ZCCHC10: variants seen among roughly 807,000 people sequenced by gnomAD.
ZCCHC10 encodes zinc finger CCHC-type containing 10.
ZCCHC10 carries 16 observed loss-of-function variants against 19.5 expected under a neutral mutation model. The ratio of observed to expected loss-of-function variants is 0.82; its 90% CI spans 0.56 to 1.25. The LOEUF is 1.25. Ranked by LOEUF, ZCCHC10 falls within the 50% of genes most tolerant of loss-of-function variation. The pLI is 0.00. For missense variants in ZCCHC10, 197 were observed against 201.0 expected (o/e 0.98, Z 0.12); for synonymous variants, 67 against 72.5 (o/e 0.92, Z 0.38).
Position 133,025,525 on chromosome 5 carries a change from A to AAAAG in ZCCHC10, c.41+971_41+972insCTTT, listed in dbSNP as rs1554085683. Among the ~76,000 whole-genome samples, 1,470 of 124,836 alleles carry AAAAG rather than the reference A, an allele frequency of 0.012. 201 individuals carry two copies. The East Asian group carries it at 0.22, about 19-fold the overall frequency. The allele number at this position is 124,836 out of a possible 152,430, so 81.9% of individuals were successfully genotyped here. A position where few individuals can be genotyped will look rare whatever the true frequency, so the allele number is the denominator to read the frequency against. On this transcript the variant is annotated intron_variant, in intron 1 of 4. Coordinates refer to ENST00000509437, the MANE Select transcript of ZCCHC10 (RefSeq NM_001300816.3). Reference sequence around the variant, plus strand: ...CCTCAAAAAAAAAAAAAAAAAAAAAAAAAAAAAAGAAAGGGGCATCTGGGG... The same window carrying AAAAG: ...CCTCAAAAAAAAAAAAAAAAAAAAAAAAAGAAAAAAAAGAAAGGGGCATCTGGGG...
chr5:133,024,499 G>A (rs1262352279), intron 1 of ZCCHC10, among the ~76,000 whole-genome samples: 1 of 152,194 alleles, frequency 6.6e-6, no homozygotes, highest in East Asian at 1.9e-4. Flanking sequence ...CAAATATGGA[G>A]CCAACAACGA....
intron 2 of ZCCHC10, among the ~76,000 whole-genome samples, chr5:133,014,222 C>T (rs552469135): frequency 1.5e-4 from 21 of 143,178 alleles, no homozygotes; most frequent in East Asian, 4.1e-4. Context: ...TGCAATGGCG[C>T]GATTTCAGCT....
intron 1 of ZCCHC10, among the ~76,000 whole-genome samples, chr5:133,023,535 G>A (rs900865121): frequency 2.7e-5 from 4 of 150,862 alleles, no homozygotes; most frequent in African/African-American, 4.9e-5. Flanking sequence ...AGCACTTTGG[G>A]AGGCTGAAGT....
rs1762568640 is a variant in ZCCHC10, at chr5:132,998,633, T to G, written c.529A>C (p.Thr177Pro). The change falls in exon 5 of 5, where the codon ACA becomes CCA. Residue 177 changes from threonine (T) to proline (P), a missense_variant. Coordinates refer to ENST00000509437, the MANE Select transcript of ZCCHC10 (RefSeq NM_001300816.3). The stretch of plus-strand genomic sequence containing the variant: ...GGTTCATCGTCAGAGCTGCTATCTG[T>G]GCTGGTGCTACTGCTACTGGAAGAG... ...SSSSSSSSTSTDSSSDDEPPK... is the reference protein window; with the variant it reads ...SSSSSSSSTSPDSSSDDEPPK... 1.2e-6 allele frequency: 2 copies of G among 1,614,156 alleles called. No individual in the cohort carries two copies. Among genetic ancestry groups the G allele is most frequent in the African/African-American group, 2.7e-5 (2 of 75,046 alleles).
Position 132,997,007 on chromosome 5 carries a change from G to GT in ZCCHC10, c.*1575dup, listed in dbSNP as rs1480066704. On this transcript the variant is annotated 3_prime_UTR_variant, in exon 5 of 5. Coordinates refer to ENST00000509437, the MANE Select transcript of ZCCHC10 (RefSeq NM_001300816.3). ...AAGTTTAAGCTTGTGAGCACAAATT[G>GT]TGAGTTTTATTTAACTGCAAGTGAT... The GT allele has an allele frequency of 2.6e-5, 4 of 152,198 alleles. No individual in the cohort carries two copies. The highest frequency in any genetic ancestry group is 4.4e-5 in the Non-Finnish European group (3 of 68,036). The allele number at this position is 152,198 out of a possible 1,614,324, so 9.4% of individuals were successfully genotyped here. A position where few individuals can be genotyped will look rare whatever the true frequency, so the allele number is the denominator to read the frequency against.
chr5:133,000,785 G>A (rs1056138251), intron 3 of ZCCHC10, among the ~76,000 whole-genome samples: 2 of 151,622 alleles, frequency 1.3e-5, no homozygotes, highest in African/African-American at 4.8e-5. Context: ...TGGGACTACA[G>A]GTGTGTGTCA....
At chr5:132,999,296 A>G (rs1208989720) in intron 4 of ZCCHC10, among the ~76,000 whole-genome samples, 3 of 152,124 alleles carry the variant, frequency 2.0e-5, no homozygotes, top group Non-Finnish European at 2.9e-5. Context: ...CTTAGGTTTG[A>G]TATTTTGGAG....
At chr5:133,025,945 C>G (rs1352732226) in intron 1 of ZCCHC10, among the ~76,000 whole-genome samples, 2 of 152,152 alleles carry the variant, frequency 1.3e-5, no homozygotes, top group African/African-American at 4.8e-5. Context: ...TACCCAATGT[C>G]TGGCACAGAA....
At chr5:133,009,228 C>A (rs1763335909) in intron 2 of ZCCHC10, among the ~76,000 whole-genome samples, 1 of 151,966 alleles carries the variant, frequency 6.6e-6, no homozygotes, top group Non-Finnish European at 1.5e-5. Flanking sequence ...GTCTCAAACT[C>A]CTGGCCTCAA....
At chr5:133,003,248 G>C (rs978693749) in intron 3 of ZCCHC10, 2 of 436,406 alleles carry the variant, frequency 4.6e-6, no homozygotes, top group African/African-American at 4.1e-5. Context: ...CCAGATGTTT[G>C]TTGGGACAGA....
intron 2 of ZCCHC10, among the ~76,000 whole-genome samples, chr5:133,015,228 A>G (rs1415575879): frequency 6.6e-6 from 1 of 151,754 alleles, no homozygotes; most frequent in East Asian, 1.9e-4. Flanking sequence ...ACAGGTGCGC[A>G]CCACCACACT....
At chr5:133,018,812 T>C (rs1045972938) in intron 2 of ZCCHC10, among the ~76,000 whole-genome samples, 1 of 152,160 alleles carries the variant, frequency 6.6e-6, no homozygotes, top group Admixed American at 6.6e-5. Flanking sequence ...CAGGCCCTCA[T>C]AGAGTCACAT....
At chr5:133,019,979 C>T (rs1054267412) in intron 2 of ZCCHC10, among the ~76,000 whole-genome samples, 1 of 149,632 alleles carries the variant, frequency 6.7e-6, no homozygotes, top group African/African-American at 2.5e-5. Flanking sequence ...AAAGTACATA[C>T]CAAAAAGAGA....
intron 2 of ZCCHC10, among the ~76,000 whole-genome samples, chr5:133,012,983 G>A (rs1186439057): frequency 2.7e-4 from 41 of 150,570 alleles, no homozygotes; most frequent in Admixed American, 2.3e-3. Flanking sequence ...CCTGGGAGGC[G>A]GAGCTTGCAG....
intron 3 of ZCCHC10, among the ~76,000 whole-genome samples, chr5:133,002,085 C>A (rs982205864): frequency 6.7e-6 from 1 of 150,258 alleles, no homozygotes; most frequent in Non-Finnish European, 1.5e-5. Context: ...CTCAGCCTCC[C>A]GAGTAGCTGG....
At chr5:133,015,667 T>C (rs941922133) in intron 2 of ZCCHC10, among the ~76,000 whole-genome samples, 1 of 152,188 alleles carries the variant, frequency 6.6e-6, no homozygotes, top group Non-Finnish European at 1.5e-5. Context: ...TTCCCAGTTC[T>C]GGTCAAGCCT....
At chr5:133,003,252 G>T in intron 3 of ZCCHC10, 1 of 438,912 alleles carries the variant, frequency 2.3e-6, no homozygotes. Flanking sequence ...ATGTTTGTTG[G>T]GACAGAAAGA....
chr5:133,007,789 T>C (rs1341072282), intron 2 of ZCCHC10, among the ~76,000 whole-genome samples: 1 of 152,178 alleles, frequency 6.6e-6, no homozygotes, highest in African/African-American at 2.4e-5. Context: ...GTTAAAAGCA[T>C]AGACCTTGAA....
intron 1 of ZCCHC10, among the ~76,000 whole-genome samples, chr5:133,024,840 T>C (rs778531293): frequency 6.6e-6 from 1 of 151,852 alleles, no homozygotes; most frequent in African/African-American, 2.4e-5. Flanking sequence ...GAGGCAGAGG[T>C]TGCAGTGAGC....
Sources: allele counts gnomAD v4.1 joint callset (sites outside exome capture counted in the v4.1 genomes callset), GRCh38; gene constraint gnomAD v4.1.1; transcripts MANE v1.5; gene names NCBI Gene and HGNC (gene_info 2026-07-23, HGNC 2026-07-21).